SAMD13: variants seen among roughly 807,000 people sequenced by gnomAD.
SAMD13 encodes sterile alpha motif domain-containing protein 13.
In SAMD13, 9 loss-of-function variants were observed where a neutral mutation model predicts 12.4. That is an observed-to-expected ratio of 0.72 (90% CI 0.44 to 1.26). The LOEUF (loss-of-function observed/expected upper bound fraction) is 1.26. Ranked by LOEUF, SAMD13 falls within the 50% of genes most tolerant of loss-of-function variation. SAMD13 has a pLI of 0.00. For missense variants in SAMD13, 84 were observed against 119.6 expected, an observed-to-expected ratio of 0.70 and a Z score of 1.39; for synonymous variants, 46 against 45.4, an observed-to-expected ratio of 1.01 and a Z score of -0.05.
Position 84,333,432 on chromosome 1 carries a change from G to T in SAMD13, c.165+7684G>T, listed in dbSNP as rs150916886. On this transcript the variant is annotated intron_variant, in intron 3 of 3. Transcript: ENST00000394834. Reference sequence around the variant, plus strand: ...ATTGTAAAGATCTTTCACCTCCCCGGTTAGCTGTATCTCTAGGTATTTTAT... The same window carrying T: ...ATTGTAAAGATCTTTCACCTCCCCGTTTAGCTGTATCTCTAGGTATTTTAT... Among the ~76,000 whole-genome samples the T allele has an allele frequency of 3.6e-3, 555 of 152,182 alleles. 5 individuals are homozygous for T. The highest frequency in any genetic ancestry group is 0.013 in the African/African-American group (529 of 41,514).
At chr1:84,328,876 A>C (rs982996757) in intron 3 of SAMD13, among the ~76,000 whole-genome samples, 5 of 152,190 alleles carry the variant, frequency 3.3e-5, no homozygotes, top group African/African-American at 1.2e-4. Context: ...TTGCCCTTCC[A>C]CTTGACAGAA....
intron 3 of SAMD13, among the ~76,000 whole-genome samples, chr1:84,335,438 A>G (rs900000563): frequency 1.3e-5 from 2 of 151,980 alleles, no homozygotes; most frequent in Non-Finnish European, 2.9e-5. Flanking sequence ...TGTGCGTGTC[A>G]TTACATGTAA....
chr1:84,322,568 G>C (rs988681738), intron 2 of SAMD13, among the ~76,000 whole-genome samples: 2 of 152,140 alleles, frequency 1.3e-5, no homozygotes, highest in Non-Finnish European at 2.9e-5. Context: ...GCTAGGTGCT[G>C]GTGCTACAAA....
At chr1:84,316,203 T>C (rs1678829281) in intron 2 of SAMD13, among the ~76,000 whole-genome samples, 4 of 152,160 alleles carry the variant, frequency 2.6e-5, no homozygotes, top group Admixed American at 1.3e-4. Flanking sequence ...TCCCTGGCTG[T>C]ATAGAAGCTT....
At chr1:84,299,672 T>TATATAC, upstream of SAMD13, 2 of 948,448 alleles carry the variant, frequency 2.1e-6, no homozygotes, top group East Asian at 3.8e-5. Context: ...TATATATATA[T>TATATAC]ATATTTATTT....
At chr1:84,330,337 C>T (rs1403382707) in intron 3 of SAMD13, among the ~76,000 whole-genome samples, 2 of 152,178 alleles carry the variant, frequency 1.3e-5, no homozygotes, top group Non-Finnish European at 2.9e-5. Flanking sequence ...CCACTTGAGA[C>T]GCAGTTGAAC....
Position 84,350,745 on chromosome 1 carries a change from A to G in SAMD13, c.*971A>G, listed in dbSNP as rs1488084919. The G allele has an allele frequency of 6.6e-6, 1 of 152,614 alleles. No homozygotes were observed. Among genetic ancestry groups the G allele is most frequent in the Non-Finnish European group, 1.5e-5 (1 of 68,042 alleles). The allele number at this position is 152,614 out of a possible 1,614,324, so 9.5% of individuals were successfully genotyped here. ...GACATTTGTTCAATCTCTGTGTGTC[A>G]ACGCCTTGTTGAATTGGTGCTTTGT... On this transcript the variant is annotated 3_prime_UTR_variant, in exon 4 of 4. Coordinates refer to ENST00000394834, the MANE Select transcript of SAMD13 (RefSeq NM_001134663.2).
intron 3 of SAMD13, among the ~76,000 whole-genome samples, chr1:84,334,628 A>G (rs1369757498): frequency 6.6e-6 from 1 of 151,884 alleles, no homozygotes; most frequent in African/African-American, 2.4e-5. Context: ...TTGTTTTTCT[A>G]GTTCCTCTAT....
chr1:84,318,292 T>C (rs1678876170), intron 2 of SAMD13, among the ~76,000 whole-genome samples: 1 of 152,044 alleles, frequency 6.6e-6, no homozygotes, highest in Non-Finnish European at 1.5e-5. Flanking sequence ...ATTTCATAAG[T>C]TTTGATATGT....
intron 2 of SAMD13, among the ~76,000 whole-genome samples, chr1:84,317,254 G>A (rs965194163): frequency 2.0e-5 from 3 of 151,966 alleles, no homozygotes; most frequent in Non-Finnish European, 2.9e-5. Flanking sequence ...GAATAGAAGT[G>A]GCAAGAATGG....
intron 2 of SAMD13, among the ~76,000 whole-genome samples, chr1:84,317,730 C>A (rs1429691913): frequency 6.6e-6 from 1 of 151,984 alleles, no homozygotes; most frequent in Non-Finnish European, 1.5e-5. Context: ...CAGAAATGTT[C>A]CCTCCTCTTC....
In SAMD13 at chr1:84,341,717, T is replaced by TA. The variant is rs1219941430; in HGVS notation, c.166-7906dup. Among the ~76,000 whole-genome samples, 28 of 151,806 alleles carry TA rather than the reference T, an allele frequency of 1.8e-4. No individual in the cohort carries two copies. In the South Asian group the frequency reaches 2.9e-3, roughly 16 times the overall value. On this transcript the variant is annotated intron_variant, in intron 3 of 3. Transcript: ENST00000394834. ...AACCCTGGAGAAAGTGGAGTTGACA[T>TA]AAAAAAAATGGGTTTAATGAGAATG...
In SAMD13 at chr1:84,350,738, G is replaced by A. The variant is rs1271204619; in HGVS notation, c.*964G>A. 3 of 152,566 alleles carry A rather than the reference G, an allele frequency of 2.0e-5. No homozygotes were observed. The highest frequency in any genetic ancestry group is 4.8e-5 in the African/African-American group (2 of 41,428). 9.5% of individuals were successfully genotyped at this position (152,566 alleles called of 1,614,324 possible). The stretch of plus-strand genomic sequence containing the variant: ...TCAAAGAGACATTTGTTCAATCTCT[G>A]TGTGTCAACGCCTTGTTGAATTGGT... On this transcript the variant is annotated 3_prime_UTR_variant, in exon 4 of 4. Coordinates refer to ENST00000394834, the MANE Select transcript of SAMD13 (RefSeq NM_001134663.2).
chr1:84,346,928 A>G (rs1353859003), intron 3 of SAMD13, among the ~76,000 whole-genome samples: 1 of 152,212 alleles, frequency 6.6e-6, no homozygotes, highest in East Asian at 1.9e-4. Context: ...TGGATTTGGA[A>G]TCAGAACACA....
At chr1:84,348,465 G>A (rs769463849) in intron 3 of SAMD13, among the ~76,000 whole-genome samples, 1 of 152,114 alleles carries the variant, frequency 6.6e-6, no homozygotes, top group Non-Finnish European at 1.5e-5. Context: ...AGAAGTATGT[G>A]GTTATAACCA....
At chr1:84,318,079 T>G (rs80336915) in intron 2 of SAMD13, among the ~76,000 whole-genome samples, 9,206 of 152,162 alleles carry the variant, frequency 0.061, 370 homozygotes, top group African/African-American at 0.11. Context: ...CTCTTTTCTC[T>G]TAGCCTAGCT....
chr1:84,327,903 T>C (rs1679092117), intron 3 of SAMD13, among the ~76,000 whole-genome samples: 1 of 152,194 alleles, frequency 6.6e-6, no homozygotes, highest in South Asian at 2.1e-4. Flanking sequence ...GGTTGGAAAG[T>C]GGAAGGCCGC....
At chr1:84,326,566 G>A (rs370650044) in intron 3 of SAMD13, among the ~76,000 whole-genome samples, 5 of 152,158 alleles carry the variant, frequency 3.3e-5, no homozygotes, top group African/African-American at 1.2e-4. Flanking sequence ...GACCTGAGGA[G>A]GCAAGTGGGG....
At chr1:84,324,806 C>T (rs1388325294) in intron 2 of SAMD13, among the ~76,000 whole-genome samples, 1 of 152,194 alleles carries the variant, frequency 6.6e-6, no homozygotes, top group African/African-American at 2.4e-5. Context: ...TTCTACTTCT[C>T]CTTTCCCTCC....
Sources: allele counts gnomAD v4.1 joint callset (sites outside exome capture counted in the v4.1 genomes callset), GRCh38; gene constraint gnomAD v4.1.1; transcripts MANE v1.5; gene names NCBI Gene and HGNC (gene_info 2026-07-23, HGNC 2026-07-21).